Variants in GLRA2 observed in about 807,000 individuals in gnomAD.
GLRA2 encodes the protein glycine receptor alpha 2, also known as glycine receptor subunit alpha-2.
Under a neutral mutation model 31.6 loss-of-function variants are expected in GLRA2, and 11 were observed. The observed-to-expected ratio is 0.35, with a 90% CI of 0.22 to 0.58. The LOEUF is 0.58. GLRA2 is among the 20% of genes least tolerant of loss of function. The probability of loss-of-function intolerance (pLI) is 0.84; values close to 1 mark genes in which losing one functional copy is unlikely to be tolerated. For missense variants in GLRA2, 212 were observed against 351.8 expected (o/e 0.60, Z 3.18); for synonymous variants, 132 against 134.0 (o/e 0.99, Z 0.10).
At chrX:14,489,908 T>C in the GLRA2 span, among the ~76,000 whole-genome samples, 47 of 111,578 alleles carry the variant, frequency 4.2e-4, no homozygotes, top group Admixed American at 3.9e-3. Context: ...GATTATTTTT[T>C]TTCTTTTTTT....
At chrX:14,542,508 G>A (rs923380673) in intron 2 of GLRA2, among the ~76,000 whole-genome samples, 3 of 110,887 alleles carry the variant, frequency 2.7e-5, no homozygotes, top group Non-Finnish European at 3.8e-5. Context: ...TCTCTTGTCC[G>A]GTCAAAGCTG....
intron 4 of GLRA2, among the ~76,000 whole-genome samples, chrX:14,597,501 A>G (rs1294896627): frequency 9.0e-6 from 1 of 111,534 alleles, no homozygotes; most frequent in Non-Finnish European, 1.9e-5. Flanking sequence ...TCAAGATCAA[A>G]TAGCTCTTTA....
intron 8 of GLRA2, among the ~76,000 whole-genome samples, chrX:14,704,707 C>T (rs1468991332): frequency 2.7e-5 from 3 of 111,548 alleles, no homozygotes; most frequent in African/African-American, 9.8e-5. Context: ...GGAAACGACC[C>T]CTGCCTTCTT....
intron 2 of GLRA2, among the ~76,000 whole-genome samples, chrX:14,564,999 C>T (rs2089784433): frequency 9.7e-6 from 1 of 102,697 alleles, no homozygotes; most frequent in African/African-American, 3.6e-5. Context: ...GAAAGAAAAT[C>T]CAAATGGTTC....
At chrX:14,662,898 C>T (rs868543052) in intron 7 of GLRA2, among the ~76,000 whole-genome samples, 36 of 111,590 alleles carry the variant, frequency 3.2e-4, no homozygotes, top group South Asian at 1.8e-3. Context: ...TTTTCTGTTG[C>T]TATTGTTATT....
intron 3 of GLRA2, among the ~76,000 whole-genome samples, chrX:14,578,726 G>A (rs1420063972): frequency 8.9e-6 from 1 of 111,900 alleles, no homozygotes. Context: ...CTGATATAAA[G>A]GCATGGTTTG....
intron 3 of GLRA2, among the ~76,000 whole-genome samples, chrX:14,575,307 T>C (rs1036187658): frequency 1.4e-4 from 15 of 109,884 alleles, no homozygotes; most frequent in African/African-American, 5.0e-4. Context: ...TTCAAGCGAT[T>C]CTTCCACCTC....
intron 7 of GLRA2, among the ~76,000 whole-genome samples, chrX:14,644,677 T>C (rs1352800205): frequency 8.9e-6 from 1 of 112,052 alleles, no homozygotes. Context: ...TTGCTTTTTT[T>C]GTTCAAATTA....
chrX:14,683,481 C>T (rs1225829117), intron 7 of GLRA2, among the ~76,000 whole-genome samples: 5 of 110,827 alleles, frequency 4.5e-5, no homozygotes, highest in African/African-American at 6.6e-5. Context: ...CAAAAATTTT[C>T]TCCCATTCTG....
chrX:14,493,542 TACTTATATACATATATAC>T, the GLRA2 span, among the ~76,000 whole-genome samples: 2 of 98,751 alleles, frequency 2.0e-5, no homozygotes, highest in Non-Finnish European at 3.9e-5. Flanking sequence ...CACATATATA[TACTTATATACATATATAC>T]ACATATATAC....
chrX:14,501,071 G>T, the GLRA2 span, among the ~76,000 whole-genome samples: 1 of 83,183 alleles, frequency 1.2e-5, no homozygotes, highest in Non-Finnish European at 2.6e-5. Flanking sequence ...CGAAAAAGTA[G>T]TAAAAAAAAA....
Position 14,566,625 on chromosome X carries a change from A to C in GLRA2, c.203-7708A>C, listed in dbSNP as rs754475693. Among the ~76,000 whole-genome samples the C allele has an allele frequency of 3.6e-5, 4 of 111,674 alleles. No homozygotes were observed. In the South Asian group the frequency reaches 1.5e-3, roughly 42 times the overall value. ...TCAGTCACCCTTGACATAGTCTCAT[A>C]TTCTTCTTCCCACCTGAATGGTAGC... On this transcript the variant is annotated intron_variant, in intron 2 of 8. Transcript: ENST00000218075.
intron 2 of GLRA2, 103 bp from the exon 3 acceptor site, chrX:14,574,230 C>A: frequency 3.7e-6 from 2 of 545,829 alleles, no homozygotes; most frequent in Admixed American, 2.8e-5. Context: ...GCAATCTCAC[C>A]ATCATTTTAA....
At chrX:14,494,613 T>A in the GLRA2 span, among the ~76,000 whole-genome samples, 3 of 111,667 alleles carry the variant, frequency 2.7e-5, no homozygotes, top group Non-Finnish European at 5.7e-5. Context: ...AGTGTTTACC[T>A]GAAACTGAGG....
upstream of GLRA2, among the ~76,000 whole-genome samples, chrX:14,525,177 A>G (rs181344121): frequency 7.2e-5 from 8 of 111,693 alleles, no homozygotes; most frequent in African/African-American, 2.6e-4. Flanking sequence ...AGCATGATAT[A>G]GACCAAATAT....
the GLRA2 span, among the ~76,000 whole-genome samples, chrX:14,493,650 C>CGTATGTAT: frequency 1.1e-5 from 1 of 88,954 alleles, no homozygotes; most frequent in African/African-American, 5.4e-5. Flanking sequence ...CATATATATA[C>CGTATGTAT]ATATGTACAC....
intron 7 of GLRA2, among the ~76,000 whole-genome samples, chrX:14,687,879 G>C (rs1440631200): frequency 8.9e-6 from 1 of 112,154 alleles, no homozygotes; most frequent in African/African-American, 3.2e-5. Context: ...GAGGTGCTCT[G>C]ATTTTTAGGA....
chrX:14,708,947 G>GA (rs1185979379), intron 8 of GLRA2, among the ~76,000 whole-genome samples: 94 of 102,480 alleles, frequency 9.2e-4, no homozygotes, highest in Middle Eastern at 5.0e-3. Flanking sequence ...CACACAAAAA[G>GA]AAAAAAAAAA....
At chrX:14,581,970 T>G (rs2090021963) in intron 4 of GLRA2, among the ~76,000 whole-genome samples, 1 of 111,396 alleles carries the variant, frequency 9.0e-6, no homozygotes, top group Admixed American at 9.5e-5. Flanking sequence ...CATTTTTGCT[T>G]TTATATTCAA....
Sources: allele counts gnomAD v4.1 joint callset (sites outside exome capture counted in the v4.1 genomes callset), GRCh38; gene constraint gnomAD v4.1.1; transcripts MANE v1.5; gene names NCBI Gene and HGNC (gene_info 2026-07-23, HGNC 2026-07-21).